The following EIF4E3 variants were observed in gnomAD, a reference collection of about 807,000 sequenced individuals.
The protein encoded by EIF4E3 is eukaryotic translation initiation factor 4E type 3.
In EIF4E3, 26 loss-of-function variants were observed where a neutral mutation model predicts 31.7. That is an observed-to-expected ratio of 0.82 (90% CI 0.60 to 1.14). The LOEUF (loss-of-function observed/expected upper bound fraction) is 1.14, where lower values mean the gene tolerates loss of function less well. Ranked by LOEUF, EIF4E3 falls within the 50% of genes most tolerant of loss-of-function variation. The pLI is 0.00. For synonymous variants in EIF4E3, 128 were observed against 107.7 expected (o/e 1.19, Z -1.17); for missense variants, 304 against 270.9 (o/e 1.12, Z -0.86).
intron 2 of EIF4E3, among the ~76,000 whole-genome samples, chr3:71,705,372 C>G (rs902301817): frequency 1.3e-5 from 2 of 152,118 alleles, no homozygotes; most frequent in Non-Finnish European, 2.9e-5. Context: ...TTGATATTAT[C>G]GACAGCACAC....
At chr3:71,689,823 C>T (rs2049038180) in intron 6 of EIF4E3, among the ~76,000 whole-genome samples, 187 bp downstream of exon 6, 1 of 149,648 alleles carries the variant, frequency 6.7e-6, no homozygotes, top group Non-Finnish European at 1.5e-5. Flanking sequence ...TAAAATCTTA[C>T]TTTAATTTCT....
intron 5 of EIF4E3, among the ~76,000 whole-genome samples, chr3:71,692,925 T>C (rs1416640066): frequency 6.6e-6 from 1 of 152,008 alleles, no homozygotes; most frequent in African/African-American, 2.4e-5. Flanking sequence ...TAAAAAGTGG[T>C]GTAAGAAGTA....
chr3:71,745,925 CAT>C (rs1376316977), intron 1 of EIF4E3, among the ~76,000 whole-genome samples: 1 of 152,106 alleles, frequency 6.6e-6, no homozygotes, highest in African/African-American at 2.4e-5. Flanking sequence ...ATAGTGATAA[CAT>C]GTTAGTGTAG....
At chr3:71,659,510 G>A in the EIF4E3 span, among the ~76,000 whole-genome samples, 1 of 152,182 alleles carries the variant, frequency 6.6e-6, no homozygotes, top group Non-Finnish European at 1.5e-5. Flanking sequence ...TGATTCTTAT[G>A]TTTGGGCACT....
downstream of EIF4E3, among the ~76,000 whole-genome samples, chr3:71,674,947 G>C (rs1162447385): frequency 6.6e-6 from 1 of 152,122 alleles, no homozygotes; most frequent in East Asian, 1.9e-4. Flanking sequence ...TCCAAACTAA[G>C]CTCTTTGCAT....
chr3:71,689,924 C>T, intron 6 of EIF4E3, 86 bp downstream of exon 6: 1 of 1,239,114 alleles, frequency 8.1e-7, no homozygotes, highest in Non-Finnish European at 1.1e-6. Flanking sequence ...AGTAAATCTG[C>T]CTTCACCACA....
intron 6 of EIF4E3, among the ~76,000 whole-genome samples, chr3:71,688,505 CTGG>C (rs2049021599): frequency 6.6e-6 from 1 of 152,192 alleles, no homozygotes; most frequent in Non-Finnish European, 1.5e-5. Flanking sequence ...CAAGGTCACA[CTGG>C]TGAAGTGGGA....
At chr3:71,699,883 T>A (rs1047165807) in intron 2 of EIF4E3, among the ~76,000 whole-genome samples, 175 bp from the exon 3 acceptor site, 5 of 152,192 alleles carry the variant, frequency 3.3e-5, no homozygotes, top group African/African-American at 1.2e-4. Context: ...AATATAACAT[T>A]AAAGAATGCT....
At chr3:71,731,468 G>A (rs182573492) in intron 1 of EIF4E3, among the ~76,000 whole-genome samples, 35 of 152,030 alleles carry the variant, frequency 2.3e-4, no homozygotes, top group African/African-American at 7.2e-4. Context: ...TTCAGTGCAC[G>A]TGTCAGCTGC....
the EIF4E3 span, among the ~76,000 whole-genome samples, chr3:71,668,276 C>T: frequency 1.5e-4 from 23 of 152,188 alleles, no homozygotes; most frequent in Admixed American, 2.6e-4. Context: ...AAGATGTAAA[C>T]GTAAGACCTA....
rs1326192345 is a variant in EIF4E3, at chr3:71,694,088, C to T, written c.406-147G>A. The T allele has an allele frequency of 1.5e-5, 10 of 665,794 alleles. No homozygotes were observed. In the East Asian group the frequency reaches 2.7e-4, roughly 18 times the overall value. 41.2% of individuals were successfully genotyped at this position (665,794 alleles called of 1,614,324 possible). A position where few individuals can be genotyped will look rare whatever the true frequency, so the allele number is the denominator to read the frequency against. ...TTGGAGTCCACAGACACCTCCAAAT[C>T]CTAGGTGCAAACACTTATCACCGTG... On this transcript the variant is annotated intron_variant, in intron 4 of 6. Coordinates refer to ENST00000425534, the MANE Select transcript of EIF4E3 (RefSeq NM_001134651.2).
chr3:71,716,093 T>C (rs562890226), intron 1 of EIF4E3, among the ~76,000 whole-genome samples: 1 of 152,146 alleles, frequency 6.6e-6, no homozygotes, highest in South Asian at 2.1e-4. Flanking sequence ...CCACCATATA[T>C]CTAGCCACAC....
rs1009824648 is a variant in EIF4E3 at position 71,680,812 on chromosome 3, G to A, written c.*3870C>T. 1 of 152,124 alleles carries A rather than the reference G, an allele frequency of 6.6e-6. No individual in the cohort carries two copies. Among genetic ancestry groups the A allele is most frequent in the Admixed American group, 6.5e-5 (1 of 15,272 alleles). 9.4% of individuals were successfully genotyped at this position (152,124 alleles called of 1,614,324 possible). ...CAATCCTGAGTCACCAAACTCTTGA[G>A]TAATTTTAACTGATCTCAATATATT... On this transcript the variant is annotated 3_prime_UTR_variant, in exon 7 of 7. Coordinates refer to ENST00000425534, the MANE Select transcript of EIF4E3 (RefSeq NM_001134651.2).
At chr3:71,663,707 G>A in the EIF4E3 span, among the ~76,000 whole-genome samples, 6 of 152,214 alleles carry the variant, frequency 3.9e-5, no homozygotes, top group East Asian at 5.8e-4. Context: ...ACCGGGAGAC[G>A]TCCCGCCTGC....
At chr3:71,660,535 G>A in the EIF4E3 span, among the ~76,000 whole-genome samples, 18 of 152,272 alleles carry the variant, frequency 1.2e-4, no homozygotes, top group African/African-American at 4.1e-4. Context: ...TAGACCAGAT[G>A]TTAGCAGCCG....
rs1210409797 is a variant in EIF4E3 at position 71,722,857 on chromosome 3, T to C, written c.176+2335A>G. Among the ~76,000 whole-genome samples the C allele has an allele frequency of 2.0e-5, 3 of 152,216 alleles. No homozygotes were observed. In the East Asian group the frequency reaches 5.8e-4, roughly 29 times the overall value. On this transcript the variant is annotated intron_variant, in intron 1 of 6. Coordinates refer to ENST00000425534, the MANE Select transcript of EIF4E3 (RefSeq NM_001134651.2). ...TAGTTTATGCTTAGGAAGCTCCTTC[T>C]ACCAGCTGGCACCTGTTAGGTGTTG...
chr3:71,690,559 G>T (rs1459538251), intron 5 of EIF4E3, among the ~76,000 whole-genome samples: 1 of 152,156 alleles, frequency 6.6e-6, no homozygotes, highest in African/African-American at 2.4e-5. Flanking sequence ...ACTTTTCCTT[G>T]ATGCCTTGCT....
At chr3:71,704,336 C>A (rs1020117746) in intron 2 of EIF4E3, among the ~76,000 whole-genome samples, 4 of 152,168 alleles carry the variant, frequency 2.6e-5, no homozygotes, top group African/African-American at 9.7e-5. Context: ...GATGCCTAGA[C>A]CAGAGGAGTG....
Position 71,696,469 on chromosome 3 carries a change from CT to C in EIF4E3, c.395del (p.Lys132ArgfsTer13). On this transcript the variant is annotated frameshift_variant, in exon 4 of 7. Coordinates refer to ENST00000425534, the MANE Select transcript of EIF4E3 (RefSeq NM_001134651.2). LOFTEE classifies it high-confidence loss of function. ...KGGVWKMKVP[K>X]DSTSTVWKEL... The stretch of plus-strand genomic sequence containing the variant: ...ATCAGTAGGAACCTACCGTGCTGTC[CT>C]TGGGGACTTTCATCTTCCATACGCC... 1 of 1,614,128 alleles carries C rather than the reference CT, an allele frequency of 6.2e-7. No individual in the cohort carries two copies. Among genetic ancestry groups the C allele is most frequent in the East Asian group, 2.2e-5 (1 of 44,880 alleles).
Sources: allele counts gnomAD v4.1 joint callset (sites outside exome capture counted in the v4.1 genomes callset), GRCh38; gene constraint gnomAD v4.1.1; transcripts MANE v1.5; gene names NCBI Gene and HGNC (gene_info 2026-07-23, HGNC 2026-07-21).